NOTCH2: variants seen among roughly 807,000 people sequenced by gnomAD.
NOTCH2 encodes the protein notch receptor 2, also known as neurogenic locus notch homolog protein 2.
In NOTCH2, 29 loss-of-function variants were observed where a neutral mutation model predicts 235.8. The observed-to-expected ratio is 0.12, with a 90% CI of 0.09 to 0.17. The LOEUF (loss-of-function observed/expected upper bound fraction) is 0.17, where lower values mean the gene tolerates loss of function less well. NOTCH2 is among the 10% of genes least tolerant of loss of function. NOTCH2 has a pLI of 1.00. For synonymous variants in NOTCH2, 1,086 were observed against 1,141.5 expected (o/e 0.95, Z 0.98); for missense variants, 2,285 against 3,150.2 (o/e 0.73, Z 6.57).
At chr1:119,964,601 T>G (rs1651067218) in intron 10 of NOTCH2, among the ~76,000 whole-genome samples, 1 of 152,238 alleles carries the variant, frequency 6.6e-6, no homozygotes, top group Admixed American at 6.5e-5. Context: ...ATTAAAATAT[T>G]AACTTTTTGT....
chr1:119,915,247 T>G lies in NOTCH2; in HGVS notation c.*59A>C. 6.4e-7 allele frequency: 1 copy of G among 1,551,554 alleles called. No homozygotes were observed. Among genetic ancestry groups the G allele is most frequent in the Non-Finnish European group, 8.9e-7 (1 of 1,128,364 alleles). ...CATTTCTCTCCCGGATGACCTTCAT[T>G]TGTTCCTCAGCAGCATTTACAAAAG... On this transcript the variant is annotated 3_prime_UTR_variant, in exon 34 of 34. Transcript: ENST00000256646.
intron 8 of NOTCH2, 142 bp from the exon 9 acceptor site, chr1:119,966,631 G>C (rs1651147944): frequency 2.8e-6 from 2 of 703,608 alleles, no homozygotes; most frequent in Non-Finnish European, 5.2e-6. Flanking sequence ...GCCATGATGA[G>C]AAATAGTCAC....
intron 2 of NOTCH2, among the ~76,000 whole-genome samples, chr1:120,017,910 CT>C: frequency 6.6e-6 from 1 of 151,210 alleles, no homozygotes; most frequent in Non-Finnish European, 1.5e-5. Flanking sequence ...GGAGCCCTGA[CT>C]AAGAAAAAAA....
intron 1 of NOTCH2, among the ~76,000 whole-genome samples, chr1:120,064,561 C>T (rs1304858859): frequency 3.3e-5 from 5 of 152,122 alleles, no homozygotes; most frequent in Non-Finnish European, 7.3e-5. Flanking sequence ...TCAGTTGACT[C>T]TGAATTTGGG....
At chr1:119,950,664 G>A (rs1553197673) in intron 15 of NOTCH2, 60 bp downstream of exon 15, 2 of 1,043,152 alleles carry the variant, frequency 1.9e-6, no homozygotes, top group East Asian at 4.7e-5. Flanking sequence ...TGAGACTCAG[G>A]CACTGACAAA....
chr1:119,931,773 G>C (rs1454004733), intron 22 of NOTCH2, among the ~76,000 whole-genome samples: 1 of 151,692 alleles, frequency 6.6e-6, no homozygotes, highest in Non-Finnish European at 1.5e-5. Flanking sequence ...ATCTTCAAGT[G>C]TATATGATGT....
At position 119,928,958 on chromosome 1, in the gene NOTCH2, G is replaced by A. The variant is rs782749802; in HGVS notation, c.3892+18C>T. ...ATCCTCCAAGGCAGAGTGGCCAGGA[G>A]GCTAGAGAGCTTCTCACCAGTAAAG... On this transcript the variant is annotated intron_variant, in intron 23 of 33. Transcript: ENST00000256646. 6.2e-7 allele frequency: 1 copy of A among 1,605,930 alleles called. No individual in the cohort carries two copies. Among genetic ancestry groups the A allele is most frequent in the South Asian group, 1.1e-5 (1 of 90,896 alleles).
chr1:119,950,047 A>T (rs1553197547), intron 15 of NOTCH2: 1 of 177,646 alleles, frequency 5.6e-6, no homozygotes, highest in Non-Finnish European at 1.2e-5. Flanking sequence ...AACTGAAACA[A>T]AGAACAGCTA....
chr1:120,041,091 T>TA (rs1654547384), intron 1 of NOTCH2, among the ~76,000 whole-genome samples: 1 of 113,254 alleles, frequency 8.8e-6, no homozygotes, highest in African/African-American at 5.6e-5. Flanking sequence ...TATATATATA[T>TA]TCCTGAACTT....
chr1:119,986,668 A>C (rs1220611386), intron 5 of NOTCH2, among the ~76,000 whole-genome samples: 1 of 152,170 alleles, frequency 6.6e-6, no homozygotes, highest in East Asian at 1.9e-4. Flanking sequence ...TGCTTTTCCC[A>C]GATAATAAGC....
chr1:120,067,631 T>C (rs1214140303), intron 1 of NOTCH2, among the ~76,000 whole-genome samples: 4 of 152,228 alleles, frequency 2.6e-5, no homozygotes, highest in Admixed American at 6.5e-5. Context: ...AAGTTAATGA[T>C]AGACCAAGGA....
At chr1:119,925,174 G>T in intron 25 of NOTCH2, 131 bp downstream of exon 25, 3 of 1,146,256 alleles carry the variant, frequency 2.6e-6, no homozygotes, top group Non-Finnish European at 4.0e-6. Context: ...TGTGCGATGG[G>T]ACAAGGCTGG....
intron 12 of NOTCH2, among the ~76,000 whole-genome samples, chr1:119,957,830 A>ACACACC: frequency 1.0e-4 from 1 of 9,528 alleles, no homozygotes; most frequent in South Asian, 3.4e-3. Context: ...CCTTATATAA[A>ACACACC]CACACACACA....
intron 1 of NOTCH2, chr1:120,069,003 C>T (rs782064219): frequency 1.6e-6 from 2 of 1,276,366 alleles, no homozygotes; most frequent in South Asian, 1.3e-5. Context: ...AAACGCGGAA[C>T]CTGAAGGGCA....
At chr1:119,930,996 G>A (rs1463812198) in intron 22 of NOTCH2, among the ~76,000 whole-genome samples, 5 of 151,104 alleles carry the variant, frequency 3.3e-5, no homozygotes, top group African/African-American at 9.7e-5. Flanking sequence ...CCAGCTACTC[G>A]GGAGGCTGAG....
intron 5 of NOTCH2, among the ~76,000 whole-genome samples, chr1:119,973,450 A>G (rs1394642357): frequency 6.6e-6 from 1 of 152,042 alleles, no homozygotes; most frequent in Non-Finnish European, 1.5e-5. Context: ...TCAGGAAGGT[A>G]AAAAAAAGGA....
chr1:119,926,570 G>A lies in NOTCH2; in HGVS notation c.3934C>T (p.Pro1312Ser), dbSNP rs1557807220. 4 of 1,609,892 alleles carry A rather than the reference G, an allele frequency of 2.5e-6. No individual in the cohort carries two copies. Among genetic ancestry groups the A allele is most frequent in the Non-Finnish European group, 3.4e-6 (4 of 1,177,812 alleles). Residue 1312 changes from proline (P) to serine (S), a missense_variant, in exon 24 of 34, where the codon CCC (proline) becomes TCC (serine). Pro to Ser is a moderately conservative substitution (Grantham distance 74, BLOSUM62 -1). Transcript: ENST00000256646. ...ETFVDVCPQM[P>S]CLNGGTCAVA... ...GCACAAGTCCCTCCATTCAGGCAGG[G>A]CATCTGGGGACACACATCGACGAAG...
At chr1:119,929,334 G>A (rs1649577036) in intron 22 of NOTCH2, 122 bp from the exon 23 acceptor site, 1 of 798,786 alleles carries the variant, frequency 1.3e-6, no homozygotes, top group African/African-American at 1.7e-5. Context: ...ACTGGTAGTG[G>A]GACCTTGTAG....
chr1:120,068,896 T>C (rs1178545962), intron 1 of NOTCH2: 2 of 762,996 alleles, frequency 2.6e-6, no homozygotes, highest in Non-Finnish European at 3.9e-6. Context: ...GCAGGCCGTT[T>C]GGCTTGGCGG....
Sources: gnomAD v4.1 joint callset for allele counts (sites outside exome capture counted in the v4.1 genomes callset) on GRCh38, gnomAD v4.1.1 for gene constraint, MANE v1.5 for transcripts, NCBI Gene and HGNC (gene_info 2026-07-23, HGNC 2026-07-21) for gene names.